The following TJP1 variants were observed in gnomAD, a reference collection of about 807,000 sequenced individuals.
TJP1 encodes the protein tight junction protein 1, also known as tight junction protein ZO-1.
In TJP1, 43 loss-of-function variants were observed where a neutral mutation model predicts 194.2. The ratio of observed to expected loss-of-function variants is 0.22; its 90% CI spans 0.17 to 0.29. The LOEUF (loss-of-function observed/expected upper bound fraction) is 0.29. Ranked by LOEUF, TJP1 falls within the 10% of genes least tolerant of loss-of-function variation. The pLI, the probability that TJP1 is intolerant of heterozygous loss-of-function variation, is 1.00. For missense variants in TJP1, 1,971 were observed against 2,185.7 expected, an observed-to-expected ratio of 0.90 and a Z score of 1.96; for synonymous variants, 801 against 779.0, an observed-to-expected ratio of 1.03 and a Z score of -0.47.
chr15:29,764,056 A>G (rs2046179775), intron 5 of TJP1, among the ~76,000 whole-genome samples: 1 of 152,218 alleles, frequency 6.6e-6, no homozygotes, highest in Admixed American at 6.5e-5. Context: ...CTTGGGGTAT[A>G]TATGAACTAG....
At chr15:29,888,434 A>G (rs747432387) in intron 2 of TJP1, among the ~76,000 whole-genome samples, 1 of 152,206 alleles carries the variant, frequency 6.6e-6, no homozygotes, top group Non-Finnish European at 1.5e-5. Context: ...AGGCTAAGAC[A>G]TCAATGTATT....
chr15:29,926,953 TA>T (rs1239491292), intron 2 of TJP1, among the ~76,000 whole-genome samples: 6 of 151,858 alleles, frequency 4.0e-5, no homozygotes, highest in Non-Finnish European at 7.3e-5. Flanking sequence ...TACAGAAATT[TA>T]AAAAAACTCT....
intron 11 of TJP1, 28 bp from the exon 12 acceptor site, chr15:29,734,410 C>T: frequency 6.5e-7 from 1 of 1,527,440 alleles, no homozygotes; most frequent in Non-Finnish European, 9.0e-7. Context: ...ATAAATCATT[C>T]TTGGCTGTTT....
chr15:29,921,349 A>T (rs1379228958), intron 2 of TJP1, among the ~76,000 whole-genome samples: 1 of 152,192 alleles, frequency 6.6e-6, no homozygotes, highest in African/African-American at 2.4e-5. Context: ...TCAGGAAGGT[A>T]TCTACACCTA....
intron 2 of TJP1, among the ~76,000 whole-genome samples, chr15:29,830,922 T>C (rs1356309837): frequency 1.3e-5 from 2 of 152,142 alleles, no homozygotes; most frequent in Non-Finnish European, 2.9e-5. Flanking sequence ...GTAGCTCTTA[T>C]TGGCCAAAGA....
At chr15:29,753,477 C>G (rs1242310192) in intron 8 of TJP1, among the ~76,000 whole-genome samples, 7 of 96,700 alleles carry the variant, frequency 7.2e-5, no homozygotes. Flanking sequence ...GAGCAAGACT[C>G]TGTGTCAAAA....
intron 8 of TJP1, among the ~76,000 whole-genome samples, chr15:29,749,650 C>T (rs2045111926): frequency 6.6e-6 from 1 of 152,152 alleles, no homozygotes. Context: ...ACCTCCCCAG[C>T]ACATGGGAGT....
At chr15:29,770,907 C>T (rs551674698) in intron 4 of TJP1, among the ~76,000 whole-genome samples, 6 of 151,874 alleles carry the variant, frequency 4.0e-5, no homozygotes, top group Non-Finnish European at 5.9e-5. Flanking sequence ...AAATTTAGTG[C>T]AGCCTAAATG....
intron 2 of TJP1, among the ~76,000 whole-genome samples, chr15:29,886,856 A>G (rs983200372): frequency 1.3e-5 from 2 of 152,126 alleles, no homozygotes; most frequent in East Asian, 3.9e-4. Context: ...CCTGTTAGAT[A>G]AACAGTTTTT....
rs1251291149 is a variant in TJP1 at position 29,720,631 on chromosome 15, G to A, written c.2490C>T (p.Tyr830=). Residue 830 remains tyrosine, a synonymous_variant, in exon 19 of 28, where the codon TAC becomes TAT. Coordinates refer to ENST00000614355, the MANE Select transcript of TJP1 (RefSeq NM_001330239.4). ...GTCTACTGTCCGTGCTATACATTGA[G>A]TATTCACTACCTGGAGCTGACAGGT... is the stretch of plus-strand genomic sequence containing the variant. ...LSYLSAPGSE[Y]SMYSTDSRHT... is the part of the protein sequence containing the mutation. 5 of 1,614,126 alleles carry A rather than the reference G, an allele frequency of 3.1e-6. No homozygotes were observed. Among genetic ancestry groups the A allele is most frequent in the Non-Finnish European group, 4.2e-6 (5 of 1,180,014 alleles).
chr15:29,840,861 A>G (rs1399970382), intron 2 of TJP1, among the ~76,000 whole-genome samples: 1 of 152,220 alleles, frequency 6.6e-6, no homozygotes, highest in Admixed American at 6.5e-5. Flanking sequence ...AAGAAAGAAG[A>G]GAGCAAGGGC....
chr15:29,963,633 C>T (rs2056235739), intron 1 of TJP1, among the ~76,000 whole-genome samples: 1 of 152,110 alleles, frequency 6.6e-6, no homozygotes, highest in Non-Finnish European at 1.5e-5. Flanking sequence ...ATCACACCCC[C>T]TTTTCTCCCT....
intron 20 of TJP1, among the ~76,000 whole-genome samples, 183 bp from the exon 21 acceptor site, chr15:29,719,321 T>C (rs2042786888): frequency 6.6e-6 from 1 of 152,198 alleles, no homozygotes; most frequent in Non-Finnish European, 1.5e-5. Flanking sequence ...AAATTTATAA[T>C]GCAGGTAGGG....
chr15:29,765,797 TG>T (rs1373367640), intron 5 of TJP1, among the ~76,000 whole-genome samples: 3 of 152,008 alleles, frequency 2.0e-5, no homozygotes, highest in Non-Finnish European at 4.4e-5. Context: ...GAGGCTGAAG[TG>T]GGAGGACTGC....
At position 29,708,731 on chromosome 15, in the gene TJP1, T is replaced by C. The variant is rs1359661107; in HGVS notation, c.4678A>G (p.Lys1560Glu). 1 of 1,614,236 alleles carries C rather than the reference T, an allele frequency of 6.2e-7. No individual in the cohort carries two copies. The highest frequency in any genetic ancestry group is 2.2e-5 in the East Asian group (1 of 44,882). The change falls in exon 25 of 28, where the codon AAA (lysine) becomes GAA (glutamate). Residue 1560 changes from lysine to glutamate, a missense_variant. Physicochemically the swap from Lys to Glu is moderately conservative, Grantham distance 56. Transcript: ENST00000614355. ...GGAGTTTTTGAAGACAAGTCAGGTT[T>C]ATGTGCAGTTTCACTTGGCAGAAGA... ...HNLLPSETAH[K>E]PDLSSKTPTS...
At chr15:29,949,496 TCCACAACCACCACC>T (rs2055491276) in intron 2 of TJP1, among the ~76,000 whole-genome samples, 1 of 37,508 alleles carries the variant, frequency 2.7e-5, no homozygotes, top group Non-Finnish European at 4.9e-5. Context: ...CACCTCCACC[TCCACAACCACCACC>T]TCCACCTCCA....
At chr15:29,893,036 G>A (rs2053363260) in intron 2 of TJP1, among the ~76,000 whole-genome samples, 1 of 152,180 alleles carries the variant, frequency 6.6e-6, no homozygotes, top group Non-Finnish European at 1.5e-5. Context: ...CATTTTAGAT[G>A]CCATTAAGAA....
chr15:29,790,864 A>G (rs1178599744), intron 2 of TJP1, among the ~76,000 whole-genome samples: 1 of 151,722 alleles, frequency 6.6e-6, no homozygotes, highest in African/African-American at 2.4e-5. Context: ...GTTGTTGCAA[A>G]TGACAGGATT....
chr15:29,861,921 C>T lies in TJP1; in HGVS notation c.307-61219G>A, dbSNP rs959377399. Among the ~76,000 whole-genome samples the T allele has an allele frequency of 2.0e-5, 3 of 152,184 alleles. No homozygotes were observed. The South Asian group carries it at 6.2e-4, about 32-fold the overall frequency. On this transcript the variant is annotated intron_variant, in intron 2 of 28. Transcript: ENST00000356107. ...CATATCTAAGCAACCATTCCTTAAT[C>T]CAAGGTCATGAAGACTTACTCCTGT...
Sources: allele counts gnomAD v4.1 joint callset (sites outside exome capture counted in the v4.1 genomes callset), GRCh38; gene constraint gnomAD v4.1.1; transcripts MANE v1.5; gene names NCBI Gene and HGNC (gene_info 2026-07-23, HGNC 2026-07-21).